Variants in GRIP2 observed in about 807,000 individuals in gnomAD.
GRIP2 encodes glutamate receptor interacting protein 2.
In GRIP2, 58 loss-of-function variants were observed where a neutral mutation model predicts 108.3. The ratio of observed to expected loss-of-function variants is 0.54; its 90% confidence interval spans 0.43 to 0.67. The LOEUF (loss-of-function observed/expected upper bound fraction) is 0.67. GRIP2 is among the 30% of genes least tolerant of loss of function. The probability of loss-of-function intolerance (pLI) is 0.00; values close to 1 mark genes in which losing one functional copy is unlikely to be tolerated. For missense variants in GRIP2, 1,278 were observed against 1,430.6 expected (o/e 0.89, Z 1.72); for synonymous variants, 586 against 598.2 (o/e 0.98, Z 0.30).
the GRIP2 span, among the ~76,000 whole-genome samples, chr3:14,598,991 C>T: frequency 2.0e-5 from 3 of 151,944 alleles, no homozygotes; most frequent in East Asian, 1.9e-4. Context: ...CACCCTCCCG[C>T]GGGACTCTCT....
intron 16 of GRIP2, 112 bp from the exon 17 acceptor site, chr3:14,510,076 A>G (rs1013993373): frequency 2.0e-6 from 2 of 1,007,484 alleles, no homozygotes; most frequent in African/African-American, 1.7e-5. Flanking sequence ...TCACCCAGTC[A>G]CTCACGCTCT....
chr3:14,574,990 T>G, the GRIP2 span, among the ~76,000 whole-genome samples: 2 of 152,186 alleles, frequency 1.3e-5, no homozygotes, highest in East Asian at 3.9e-4. Context: ...GATAACACCA[T>G]AAAGAACAGC....
chr3:14,504,940 G>A (rs1693877032), intron 20 of GRIP2, among the ~76,000 whole-genome samples: 1 of 152,174 alleles, frequency 6.6e-6, no homozygotes, highest in Non-Finnish European at 1.5e-5. Context: ...ATAGACACAA[G>A]GTGTTTAGGC....
chr3:14,592,916 A>G, the GRIP2 span, among the ~76,000 whole-genome samples: 1 of 152,058 alleles, frequency 6.6e-6, no homozygotes, highest in East Asian at 1.9e-4. Flanking sequence ...TTGGAGCCAC[A>G]ATGCTACCAC....
chr3:14,557,938 A>G (rs1231198873), upstream of GRIP2, among the ~76,000 whole-genome samples: 3 of 152,230 alleles, frequency 2.0e-5, no homozygotes, highest in African/African-American at 7.2e-5. Flanking sequence ...ACAAGCATAG[A>G]GCACTTAGCG....
the GRIP2 span, among the ~76,000 whole-genome samples, chr3:14,595,085 A>G: frequency 8.6e-5 from 13 of 151,440 alleles, no homozygotes; most frequent in South Asian, 8.4e-4. Flanking sequence ...TTTTGTAGAG[A>G]TGGTGTCTCA....
In GRIP2 at chr3:14,496,410, T is replaced by G; in HGVS notation, c.2823+7A>C. The G allele has an allele frequency of 1.2e-6, 2 of 1,607,386 alleles. No homozygotes were observed. Among genetic ancestry groups the G allele is most frequent in the South Asian group, 1.1e-5 (1 of 89,968 alleles). On this transcript the variant is annotated splice_region_variant and intron_variant, in intron 22 of 23. Coordinates refer to ENST00000621039, the MANE Select transcript of GRIP2 (RefSeq NM_001080423.4). ...CCAGGTCTCCTGTGCTCACCCCCTG[T>G]GCCTACCTTGTGCATCTCCAAGGGT...
chr3:14,521,662 T>A lies in GRIP2; in HGVS notation c.692A>T (p.Glu231Val), dbSNP rs775849578. 3 of 1,611,446 alleles carry A rather than the reference T, an allele frequency of 1.9e-6. No homozygotes were observed. Among genetic ancestry groups the A allele is most frequent in the Non-Finnish European group, 2.5e-6 (3 of 1,178,778 alleles). The part of the protein sequence containing the change: ...QCSHEALFQV[E>V]YDVATPDTVA... Reference sequence around the variant, plus strand: ...CTCACCAGGGGTGGCCACATCATACTCCACCTGAAAGAGTGCCTCGTGGCT... The same window carrying A: ...CTCACCAGGGGTGGCCACATCATACACCACCTGAAAGAGTGCCTCGTGGCT... Residue 231 changes from glutamate to valine, a missense_variant, in exon 7 of 24, where the codon GAG (glutamate) becomes GTG (valine). By Grantham distance (121) the Glu-to-Val change is moderately radical. Transcript: ENST00000621039. This position sits in a 1 kb window ranked among gnomAD's most constrained non-coding sequence, Gnocchi z 5.1.
the GRIP2 span, among the ~76,000 whole-genome samples, chr3:14,599,506 T>C: frequency 6.6e-6 from 1 of 151,938 alleles, no homozygotes; most frequent in Non-Finnish European, 1.5e-5. Context: ...TCTGAGGGAT[T>C]GGGGGCAACT....
the GRIP2 span, among the ~76,000 whole-genome samples, chr3:14,601,078 A>G: frequency 1.1e-4 from 17 of 151,850 alleles, no homozygotes; most frequent in African/African-American, 3.6e-4. Context: ...ACACACACAC[A>G]CACACACACA....
At chr3:14,575,847 A>T in the GRIP2 span, among the ~76,000 whole-genome samples, 1 of 152,260 alleles carries the variant, frequency 6.6e-6, no homozygotes, top group Non-Finnish European at 1.5e-5. Context: ...GGGAAGCTTC[A>T]GGCCCATCCT....
At position 14,503,550 on chromosome 3, in the gene GRIP2, G is replaced by A. The variant is rs200350767; in HGVS notation, c.2679+16C>T. ...CCCGGGTGCCCCATGCAGGCCTGCAGGGCAGGCAGCCATACCTCCAGTTCC... is the reference window on the plus strand; with the variant it reads ...CCCGGGTGCCCCATGCAGGCCTGCAAGGCAGGCAGCCATACCTCCAGTTCC... On this transcript the variant is annotated intron_variant, in intron 21 of 23. Transcript: ENST00000621039. The A allele has an allele frequency of 1.3e-4, 201 of 1,578,352 alleles. 2 individuals carry two copies. The highest frequency in any genetic ancestry group is 1.6e-5 in the Non-Finnish European group (19 of 1,153,064).
upstream of GRIP2, chr3:14,541,828 A>G (rs2124963963): frequency 4.0e-6 from 5 of 1,259,960 alleles, no homozygotes; most frequent in South Asian, 1.2e-5. Flanking sequence ...TTTAGTGGAC[A>G]TTTCCTGGAC....
chr3:14,531,667 A>T (rs1694714104), intron 1 of GRIP2, among the ~76,000 whole-genome samples: 2 of 152,122 alleles, frequency 1.3e-5, no homozygotes, highest in South Asian at 4.1e-4. Context: ...GATCACACCC[A>T]TTTGACAGAC....
chr3:14,588,106 C>T, the GRIP2 span, among the ~76,000 whole-genome samples: 1 of 152,200 alleles, frequency 6.6e-6, no homozygotes, highest in Non-Finnish European at 1.5e-5. Context: ...CTGTCCTGGG[C>T]ATGGCTCCTG....
the GRIP2 span, among the ~76,000 whole-genome samples, chr3:14,585,492 T>G: frequency 6.6e-6 from 1 of 152,192 alleles, no homozygotes; most frequent in Non-Finnish European, 1.5e-5. Context: ...CACAGGCCCA[T>G]TAGGCCCCCA....
the GRIP2 span, chr3:14,573,701 C>G: frequency 7.0e-7 from 1 of 1,421,332 alleles, no homozygotes; most frequent in Non-Finnish European, 9.9e-7. Flanking sequence ...AGATCGGCCA[C>G]TTGGTAATGT....
the GRIP2 span, among the ~76,000 whole-genome samples, chr3:14,566,791 G>C: frequency 3.9e-5 from 6 of 152,114 alleles, no homozygotes; most frequent in African/African-American, 1.4e-4. Flanking sequence ...CTTCCAGTGA[G>C]AGATGCAGTC....
intron 1 of GRIP2, among the ~76,000 whole-genome samples, chr3:14,548,939 C>T (rs1695099898): frequency 1.3e-5 from 2 of 152,194 alleles, no homozygotes; most frequent in Admixed American, 1.3e-4. Context: ...GTCTAATACC[C>T]TCCACCCAGA....
Sources: allele counts gnomAD v4.1 joint callset (sites outside exome capture counted in the v4.1 genomes callset), GRCh38; gene constraint gnomAD v4.1.1; non-coding constraint Gnocchi (gnomAD v3.1); transcripts MANE v1.5; gene names NCBI Gene and HGNC (gene_info 2026-07-23, HGNC 2026-07-21).